BASP1: variants seen among roughly 807,000 people sequenced by gnomAD.
BASP1 encodes brain acid soluble protein 1.
BASP1 carries 1 observed loss-of-function variant against 2.2 expected under a neutral mutation model. The observed-to-expected ratio is 0.46, with a 90% CI of 0.16 to 2.17. BASP1 has a LOEUF of 2.17. Ranked by LOEUF, BASP1 falls within the 30% of genes most tolerant of loss-of-function variation. BASP1 has a pLI of 0.27. For missense variants in BASP1, 352 were observed against 327.2 expected, an observed-to-expected ratio of 1.08 and a Z score of -0.58; for synonymous variants, 187 against 154.2, an observed-to-expected ratio of 1.21 and a Z score of -1.58.
At chr5:17,218,603 G>T (rs1353672534) in intron 1 of BASP1, among the ~76,000 whole-genome samples, 1 of 152,038 alleles carries the variant, frequency 6.6e-6, no homozygotes, top group African/African-American at 2.4e-5. Context: ...CCCCGGCCCG[G>T]GCCCGGGGGG....
Position 17,251,653 on chromosome 5 carries a change from ATT to A in BASP1, c.-9-23552_-9-23551del, listed in dbSNP as rs1241410373. Among the ~76,000 whole-genome samples, 1 of 152,172 alleles carries A rather than the reference ATT, an allele frequency of 6.6e-6. No individual in the cohort carries two copies. Among genetic ancestry groups the A allele is most frequent in the Non-Finnish European group, 1.5e-5 (1 of 68,036 alleles). On this transcript the variant is annotated intron_variant, in intron 1 of 1. Coordinates refer to ENST00000322611, the MANE Select transcript of BASP1 (RefSeq NM_006317.5). The surrounding 1 kb of genome is among the most constrained non-coding windows in gnomAD (Gnocchi z 4.0). ...CACCTAGCAGTGGAGTTATGAACAT[ATT>A]TTAGTGGAACATATTTAGTGGAACA...
chr5:17,262,433 T>C (rs941182962), intron 1 of BASP1, among the ~76,000 whole-genome samples: 2 of 152,212 alleles, frequency 1.3e-5, no homozygotes, highest in African/African-American at 4.8e-5. Context: ...AATAACTGGT[T>C]GGTTGATCTT....
intron 1 of BASP1, among the ~76,000 whole-genome samples, chr5:17,219,662 GTGACACCACC>G (rs1739353564): frequency 6.6e-6 from 1 of 152,164 alleles, no homozygotes; most frequent in South Asian, 2.1e-4. Flanking sequence ...GTTGCCTCCA[GTGACACCACC>G]TGGGGAAAAT....
Position 17,275,249 on chromosome 5 carries a change from C to A in BASP1, c.33C>A (p.Gly11=), listed in dbSNP as rs1215445560. Residue 11 remains glycine (G), a synonymous_variant, in exon 2 of 2, where the codon GGC becomes GGA. Coordinates refer to ENST00000322611, the MANE Select transcript of BASP1 (RefSeq NM_006317.5). This position sits in a 1 kb window ranked among gnomAD's most constrained non-coding sequence, Gnocchi z 5.3. ...GCAAGCTCAGCAAGAAGAAGAAGGG[C>A]TACAATGTGAACGACGAGAAAGCCA... The part of the protein sequence containing the change: MGGKLSKKKK[G]YNVNDEKAKE... 6.2e-7 allele frequency: 1 copy of A among 1,613,646 alleles called. No individual in the cohort carries two copies. Among genetic ancestry groups the A allele is most frequent in the African/African-American group, 1.3e-5 (1 of 74,854 alleles).
chr5:17,261,398 G>A (rs1579498974), intron 1 of BASP1, among the ~76,000 whole-genome samples: 2 of 152,150 alleles, frequency 1.3e-5, no homozygotes, highest in East Asian at 3.8e-4. Context: ...GAAATCCTAA[G>A]TGTTGTAATA....
chr5:17,247,104 G>T (rs1390045912), intron 1 of BASP1, among the ~76,000 whole-genome samples: 1 of 152,162 alleles, frequency 6.6e-6, no homozygotes. Context: ...AGGATTGCTT[G>T]TGTCCAGGAG....
Position 17,275,052 on chromosome 5 carries a change from G to T in BASP1, c.-9-156G>T, listed in dbSNP as rs1740601831. 6.6e-6 allele frequency among the ~76,000 whole-genome samples: 1 copy of T among 152,056 alleles called. No individual in the cohort carries two copies. The highest frequency in any genetic ancestry group is 2.1e-4 in the South Asian group (1 of 4,828). ...TCAAAAATAAATACATGAATAAATT[G>T]AATTTAACTGTGCCTAACTATAGTT... On this transcript the variant is annotated intron_variant, in intron 1 of 1. Coordinates refer to ENST00000322611, the MANE Select transcript of BASP1 (RefSeq NM_006317.5). The surrounding 1 kb of genome is among the most constrained non-coding windows in gnomAD (Gnocchi z 5.3).
chr5:17,238,984 A>T (rs951519996), intron 1 of BASP1, among the ~76,000 whole-genome samples: 2 of 152,220 alleles, frequency 1.3e-5, no homozygotes, highest in African/African-American at 4.8e-5. Context: ...GCCCTGTAAG[A>T]AGTCAGCTCA....
At chr5:17,274,806 T>G (rs1319796101) in intron 1 of BASP1, among the ~76,000 whole-genome samples, 1 of 152,236 alleles carries the variant, frequency 6.6e-6, no homozygotes, top group Non-Finnish European at 1.5e-5. Flanking sequence ...ATTGAGCTCC[T>G]TAATGTTTTT....
rs568159262 is a variant in BASP1, at chr5:17,224,460, A to G, written c.-10+6650A>G. 8.5e-5 allele frequency among the ~76,000 whole-genome samples: 11 copies of G among 129,984 alleles called. No individual in the cohort carries two copies. In the South Asian group the frequency reaches 1.7e-3, roughly 20 times the overall value. 85.3% of individuals were successfully genotyped at this position (129,984 alleles called of 152,430 possible). The stretch of plus-strand genomic sequence containing the variant: ...GTAATATGGACTCTTCAGGGGGGGA[A>G]AAAAGGGGAAGGGGGGCTCTTGAAT... On this transcript the variant is annotated intron_variant, in intron 1 of 1. Transcript: ENST00000322611.
intron 1 of BASP1, among the ~76,000 whole-genome samples, chr5:17,248,864 C>T (rs956579804): frequency 6.6e-6 from 1 of 152,118 alleles, no homozygotes; most frequent in African/African-American, 2.4e-5. Flanking sequence ...TCTAGGTCTC[C>T]TTGATTTCCT....
chr5:17,265,100 C>T (rs987644882), intron 1 of BASP1, among the ~76,000 whole-genome samples: 2 of 152,016 alleles, frequency 1.3e-5, no homozygotes, highest in African/African-American at 4.8e-5. Context: ...GACAGAGCAA[C>T]GTAAATGTAA....
intron 1 of BASP1, among the ~76,000 whole-genome samples, chr5:17,264,764 C>T (rs1740385295): frequency 6.6e-6 from 1 of 152,170 alleles, no homozygotes; most frequent in South Asian, 2.1e-4. Context: ...GCCATCTTCT[C>T]CATTGTCATC....
chr5:17,275,983 A>ATCTCCTCTCTCTCTCTCCTCTCCTATC lies in BASP1; in HGVS notation c.*103_*129dup, dbSNP rs1561180458. ...TCTCTCTCTCTCTATCTCTCTCTCT[A>ATCTCCTCTCTCTCTCTCCTCTCCTATC]TCTCCTCTCTCTCTCTCCTCTCCTA... On this transcript the variant is annotated 3_prime_UTR_variant, in exon 2 of 2. Transcript: ENST00000322611. This position sits in a 1 kb window ranked among gnomAD's most constrained non-coding sequence, Gnocchi z 5.3. 14 of 1,191,634 alleles carry ATCTCCTCTCTCTCTCTCCTCTCCTATC rather than the reference A, an allele frequency of 1.2e-5. No homozygotes were observed. In the African/African-American group the frequency reaches 1.8e-4, roughly 15 times the overall value. The allele number at this position is 1,191,634 out of a possible 1,614,324, so 73.8% of individuals were successfully genotyped here.
rs561516254 is a variant in BASP1 at position 17,275,518 on chromosome 5, C to T, written c.302C>T (p.Pro101Leu). The T allele has an allele frequency of 1.1e-5, 16 of 1,440,694 alleles. No homozygotes were observed. Among genetic ancestry groups the T allele is most frequent in the South Asian group, 1.0e-4 (7 of 67,362 alleles). The allele number at this position is 1,440,694 out of a possible 1,614,324, so 89.2% of individuals were successfully genotyped here. The change falls in exon 2 of 2, where the codon CCG becomes CTG. Residue 101 changes from proline to leucine, a missense_variant. Pro to Leu is a moderately conservative substitution (Grantham distance 98). Coordinates refer to ENST00000322611, the MANE Select transcript of BASP1 (RefSeq NM_006317.5). The surrounding 1 kb of genome is among the most constrained non-coding windows in gnomAD (Gnocchi z 5.3). Reference sequence around the variant, plus strand: ...GCGGCAGAGGCCAAGGCTGAGCCCCCGAAGGCGCCCGAGCAGGAGCAGGCG... The same window carrying T: ...GCGGCAGAGGCCAAGGCTGAGCCCCTGAAGGCGCCCGAGCAGGAGCAGGCG... ...EGAAEAKAEP[P>L]KAPEQEQAAP...
rs1000798716 is a variant in BASP1 at position 17,251,303 on chromosome 5, A to G, written c.-9-23905A>G. On this transcript the variant is annotated intron_variant, in intron 1 of 1. Transcript: ENST00000322611. This position sits in a 1 kb window ranked among gnomAD's most constrained non-coding sequence, Gnocchi z 4.0. ...ATCACATGTACCCCCAAAATACATA[A>G]AATGGTTATACATCAATACAAAAGC... Among the ~76,000 whole-genome samples, 2 of 152,252 alleles carry G rather than the reference A, an allele frequency of 1.3e-5. No homozygotes were observed. Among genetic ancestry groups the G allele is most frequent in the Non-Finnish European group, 2.9e-5 (2 of 68,040 alleles).
At chr5:17,230,459 A>C (rs924835645) in intron 1 of BASP1, among the ~76,000 whole-genome samples, 2 of 152,148 alleles carry the variant, frequency 1.3e-5, no homozygotes, top group Admixed American at 6.5e-5. Flanking sequence ...CCAAGCAATA[A>C]AACAAGTAGT....
chr5:17,272,346 C>T (rs545847427), intron 1 of BASP1, among the ~76,000 whole-genome samples: 5 of 152,296 alleles, frequency 3.3e-5, no homozygotes, highest in South Asian at 2.1e-4. Context: ...CTTCTATCCC[C>T]TCTGTGGTGC....
Position 17,235,875 on chromosome 5 carries a change from T to G in BASP1, c.-10+18065T>G, listed in dbSNP as rs374905797. Among the ~76,000 whole-genome samples the G allele has an allele frequency of 3.9e-5, 6 of 152,334 alleles. No individual in the cohort carries two copies. In the East Asian group the frequency reaches 1.2e-3, roughly 29 times the overall value. ...ATTCCTTGGATGTAGGAACTCTGCC[T>G]GATTTTTGTTTTCCTAGACCTTCAG... On this transcript the variant is annotated intron_variant, in intron 1 of 1. Coordinates refer to ENST00000322611, the MANE Select transcript of BASP1 (RefSeq NM_006317.5).
Sources: allele counts gnomAD v4.1 joint callset (sites outside exome capture counted in the v4.1 genomes callset), GRCh38; gene constraint gnomAD v4.1.1; non-coding constraint Gnocchi (gnomAD v3.1); transcripts MANE v1.5; gene names NCBI Gene and HGNC (gene_info 2026-07-23, HGNC 2026-07-21).